KLF12: variants seen among roughly 807,000 people sequenced by gnomAD.
KLF12 encodes KLF transcription factor 12, also known as Krueppel-like factor 12.
A neutral mutation model predicts 37.8 loss-of-function variants in KLF12; 9 were observed. The observed-to-expected ratio is 0.24, with a 90% CI of 0.14 to 0.42. The LOEUF is 0.42. KLF12 is among the 10% of genes least tolerant of loss of function. The pLI is 1.00. For synonymous variants in KLF12, 208 were observed against 202.1 expected, an observed-to-expected ratio of 1.03 and a Z score of -0.25; for missense variants, 411 against 516.0, an observed-to-expected ratio of 0.80 and a Z score of 1.97.
the KLF12 span, among the ~76,000 whole-genome samples, chr13:74,256,718 G>C: frequency 6.8e-6 from 1 of 146,796 alleles, no homozygotes; most frequent in African/African-American, 2.6e-5. Context: ...GTGTGTGTGT[G>C]TCTAAGATTT....
chr13:74,070,861 A>T (rs1874192605), intron 1 of KLF12, among the ~76,000 whole-genome samples: 1 of 152,222 alleles, frequency 6.6e-6, no homozygotes, highest in Non-Finnish European at 1.5e-5. Context: ...GAGGAAAAAA[A>T]AATAATTGAT....
chr13:74,175,905 T>C, the KLF12 span, among the ~76,000 whole-genome samples: 1 of 152,160 alleles, frequency 6.6e-6, no homozygotes, highest in Non-Finnish European at 1.5e-5. Context: ...AGGAACTCCT[T>C]GGGCTATCTA....
At chr13:74,282,045 A>G in the KLF12 span, among the ~76,000 whole-genome samples, 2 of 152,278 alleles carry the variant, frequency 1.3e-5, no homozygotes, top group African/African-American at 4.8e-5. Flanking sequence ...CAACCTTAGT[A>G]AGGTCAGTCA....
intron 2 of KLF12, among the ~76,000 whole-genome samples, chr13:73,946,896 T>C (rs1890449486): frequency 6.6e-6 from 1 of 152,236 alleles, no homozygotes; most frequent in African/African-American, 2.4e-5. Flanking sequence ...GTGATTTTTA[T>C]ACAACACATG....
intron 2 of KLF12, among the ~76,000 whole-genome samples, chr13:73,981,486 T>C (rs901803100): frequency 3.9e-5 from 6 of 152,120 alleles, no homozygotes; most frequent in African/African-American, 4.8e-5. Context: ...AAAACAACAA[T>C]GTCAAGTAAA....
intron 3 of KLF12, among the ~76,000 whole-genome samples, chr13:73,934,972 T>C: frequency 7.4e-6 from 1 of 134,320 alleles, no homozygotes; most frequent in African/African-American, 3.0e-5. Context: ...TTTATTTATT[T>C]ATTTATTTAT....
intron 1 of KLF12, among the ~76,000 whole-genome samples, chr13:74,082,163 T>TTAAAAAAAAAAAA: frequency 8.7e-6 from 1 of 114,758 alleles, no homozygotes; most frequent in South Asian, 3.1e-4. Flanking sequence ...CCCTGTCTCT[T>TTAAAAAAAAAAAA]AAAAAAAAAA....
chr13:73,773,488 G>A (rs927270679), intron 5 of KLF12, among the ~76,000 whole-genome samples: 4 of 152,130 alleles, frequency 2.6e-5, no homozygotes, highest in Non-Finnish European at 5.9e-5. Context: ...TATCAATTCT[G>A]TTAAACAACC....
At chr13:73,948,226 T>G (rs968378008) in intron 2 of KLF12, among the ~76,000 whole-genome samples, 7 of 150,326 alleles carry the variant, frequency 4.7e-5, no homozygotes, top group Admixed American at 4.6e-4. Context: ...TCATAGCAGA[T>G]TCTTTTTTTT....
the KLF12 span, among the ~76,000 whole-genome samples, chr13:74,141,598 C>T: frequency 1.3e-5 from 2 of 152,160 alleles, no homozygotes; most frequent in African/African-American, 4.8e-5. Flanking sequence ...TGTGCAGCTC[C>T]CTGGCACACC....
At chr13:73,696,141 G>A (rs750304985) in intron 7 of KLF12, among the ~76,000 whole-genome samples, 34 of 149,830 alleles carry the variant, frequency 2.3e-4, no homozygotes, top group Non-Finnish European at 4.6e-4. Flanking sequence ...CAATGTCCAA[G>A]AATATACACA....
intron 1 of KLF12, among the ~76,000 whole-genome samples, chr13:74,013,642 A>T (rs1892607421): frequency 6.6e-6 from 1 of 152,160 alleles, no homozygotes; most frequent in African/African-American, 2.4e-5. Context: ...AACTATAAGG[A>T]TCCTAGATTT....
intron 1 of KLF12, among the ~76,000 whole-genome samples, chr13:74,082,029 T>C (rs1350709638): frequency 6.6e-6 from 1 of 151,844 alleles, no homozygotes; most frequent in Non-Finnish European, 1.5e-5. Context: ...GAAATTCACA[T>C]AAAGAAAAAT....
chr13:73,968,475 G>C (rs1891233834), intron 2 of KLF12, among the ~76,000 whole-genome samples: 1 of 151,924 alleles, frequency 6.6e-6, no homozygotes, highest in African/African-American at 2.4e-5. Flanking sequence ...TATTCTCAAG[G>C]CAAATCATTA....
At chr13:74,213,553 A>G in the KLF12 span, among the ~76,000 whole-genome samples, 1 of 151,996 alleles carries the variant, frequency 6.6e-6, no homozygotes, top group Non-Finnish European at 1.5e-5. Context: ...AATGAAATAC[A>G]TGGATGAAAA....
rs548778733 is a variant in KLF12, at chr13:73,690,365, C to A, written c.*5125G>T. 1 of 152,522 alleles carries A rather than the reference C, an allele frequency of 6.6e-6. No homozygotes were observed. The highest frequency in any genetic ancestry group is 2.1e-4 in the South Asian group (1 of 4,828). The allele number at this position is 152,522 out of a possible 1,614,324, so 9.4% of individuals were successfully genotyped here. The stretch of plus-strand genomic sequence containing the variant: ...GTCAACATGTAGTTATACCTAAAAG[C>A]AGTCTCCCTGGAATAAAACAAGAAT... On this transcript the variant is annotated 3_prime_UTR_variant, in exon 8 of 8. Coordinates refer to ENST00000377669, the MANE Select transcript of KLF12 (RefSeq NM_007249.5).
chr13:73,847,453 C>A (rs1329856066), intron 3 of KLF12, among the ~76,000 whole-genome samples: 9 of 151,984 alleles, frequency 5.9e-5, no homozygotes, highest in Non-Finnish European at 1.0e-4. Flanking sequence ...CCTAAAACTT[C>A]GGCATACATT....
intron 3 of KLF12, among the ~76,000 whole-genome samples, chr13:73,915,731 G>T (rs140306948): frequency 4.1e-4 from 56 of 136,966 alleles, no homozygotes; most frequent in African/African-American, 1.3e-3. Context: ...ACTAGGTTTC[G>T]CCGTGTTAGC....
the KLF12 span, among the ~76,000 whole-genome samples, chr13:74,299,745 A>G: frequency 6.6e-6 from 1 of 152,162 alleles, no homozygotes; most frequent in Non-Finnish European, 1.5e-5. Context: ...AGAACTAAAA[A>G]ATTTTCAAGT....
Sources: allele counts gnomAD v4.1 joint callset (sites outside exome capture counted in the v4.1 genomes callset), GRCh38; gene constraint gnomAD v4.1.1; transcripts MANE v1.5; gene names NCBI Gene and HGNC (gene_info 2026-07-23, HGNC 2026-07-21).